Variants in ZNF207 observed in about 807,000 individuals in gnomAD.
ZNF207 encodes BUB3-interacting and GLEBS motif-containing protein ZNF207.
In ZNF207, 24 loss-of-function variants were observed where a neutral mutation model predicts 60.2. That is an observed-to-expected ratio of 0.40 (90% CI 0.29 to 0.56). ZNF207 has a LOEUF of 0.56. Ranked by LOEUF, ZNF207 falls within the 20% of genes least tolerant of loss-of-function variation. The pLI, the probability that ZNF207 is intolerant of heterozygous loss-of-function variation, is 0.49. For synonymous variants in ZNF207, 236 were observed against 194.7 expected (o/e 1.21, Z -1.77); for missense variants, 452 against 636.6 (o/e 0.71, Z 3.12).
chr17:32,374,436 C>G lies in ZNF207; in HGVS notation c.*4677C>G, dbSNP rs1905603817. The G allele has an allele frequency of 6.6e-6, 1 of 151,958 alleles. No individual in the cohort carries two copies. Among genetic ancestry groups the G allele is most frequent in the South Asian group, 2.1e-4 (1 of 4,804 alleles). 9.4% of individuals were successfully genotyped at this position (151,958 alleles called of 1,614,324 possible). On this transcript the variant is annotated 3_prime_UTR_variant, in exon 12 of 12. Transcript: ENST00000394670. ...GTTTCACCGTGTTAGCCAGGATGGT[C>G]TCGATCTCCTGACTTTGCGATCCCC...
chr17:32,358,700 G>A, intron 3 of ZNF207, 59 bp downstream of exon 3: 3 of 1,110,758 alleles, frequency 2.7e-6, no homozygotes, highest in Non-Finnish European at 3.5e-6. Flanking sequence ...TTTTTTTTTT[G>A]AGACAGAGGC....
rs1296690979 is a variant in ZNF207, at chr17:32,361,109, A to G, written c.551+142A>G. On this transcript the variant is annotated intron_variant, in intron 5 of 11. Transcript: ENST00000394670. ...TCTATATATCTTGTCTAATAAAGGG[A>G]TCAACCAGTAAATTTAAGGAATATA... 5.8e-6 allele frequency: 5 copies of G among 856,792 alleles called. No individual in the cohort carries two copies. In the African/African-American group the frequency reaches 8.6e-5, roughly 15 times the overall value. The allele number at this position is 856,792 out of a possible 1,614,324, so 53.1% of individuals were successfully genotyped here. A position where few individuals can be genotyped will look rare whatever the true frequency, so the allele number is the denominator to read the frequency against.
intron 9 of ZNF207, among the ~76,000 whole-genome samples, chr17:32,367,107 C>T (rs530134827): frequency 1.1e-4 from 16 of 151,330 alleles, no homozygotes; most frequent in Middle Eastern, 6.8e-3. Flanking sequence ...TTGGCCTAGT[C>T]TACATGTTTT....
chr17:32,364,551 G>T (rs1010872041), intron 7 of ZNF207, among the ~76,000 whole-genome samples: 2 of 151,738 alleles, frequency 1.3e-5, no homozygotes, highest in African/African-American at 4.8e-5. Flanking sequence ...ATAGAGATGG[G>T]GTTTCACCAT....
chr17:32,369,743 A>G lies in ZNF207; in HGVS notation c.1469A>G (p.Gln490Arg). Reference protein sequence around the residue: ...PMGMRPPVMSQGGRY With the variant: ...PMGMRPPVMSRGGRY ...GGAATGAGACCTCCTGTAATGTCGC[A>G]AGGTGGCCGTTACTGATCTTACTTC... The change falls in exon 12 of 12, where the codon CAA becomes CGA. Residue 490 changes from glutamine (Q) to arginine (R), a missense_variant. By Grantham distance (43) the Gln-to-Arg change is conservative. Transcript: ENST00000394670. The G allele has an allele frequency of 6.5e-7, 1 of 1,546,220 alleles. No homozygotes were observed. Among genetic ancestry groups the G allele is most frequent in the Non-Finnish European group, 8.7e-7 (1 of 1,148,986 alleles).
chr17:32,358,142 C>G (rs1390866842), intron 2 of ZNF207, among the ~76,000 whole-genome samples: 3 of 152,078 alleles, frequency 2.0e-5, no homozygotes, highest in Non-Finnish European at 4.4e-5. Flanking sequence ...TTGAAACATC[C>G]CTGATTTGGA....
Position 32,351,747 on chromosome 17 carries a change from A to G in ZNF207, c.42-39A>G, listed in dbSNP as rs1398462441. Reference sequence around the variant, plus strand: ...ATATGTTTTTATTATAGGCAGTGTCATCATTAGGCTGTCTTTGTGCCTTAA... The same window carrying G: ...ATATGTTTTTATTATAGGCAGTGTCGTCATTAGGCTGTCTTTGTGCCTTAA... On this transcript the variant is annotated intron_variant, in intron 1 of 11. Coordinates refer to ENST00000394670, the MANE Select transcript of ZNF207 (RefSeq NM_001098507.2). The G allele has an allele frequency of 3.1e-6, 5 of 1,608,602 alleles. No homozygotes were observed. In the Admixed American group the frequency reaches 5.1e-5, roughly 16 times the overall value.
intron 3 of ZNF207, among the ~76,000 whole-genome samples, chr17:32,360,181 C>T (rs1904778185): frequency 1.8e-5 from 2 of 109,804 alleles, no homozygotes; most frequent in South Asian, 2.9e-4. Context: ...CCTTTACCCC[C>T]CCCCCAAAAA....
At position 32,358,631 on chromosome 17, in the gene ZNF207, G is replaced by T. The variant is rs2150792499; in HGVS notation, c.297G>T (p.Gln99His). 6.7e-7 allele frequency: 1 copy of T among 1,498,630 alleles called. No individual in the cohort carries two copies. Among genetic ancestry groups the T allele is most frequent in the Non-Finnish European group, 8.8e-7 (1 of 1,133,342 alleles). 92.8% of individuals were successfully genotyped at this position (1,498,630 alleles called of 1,614,324 possible). ...DMDERRRLLE[Q>H]KTQESQKKKQ... Reference sequence around the variant, plus strand: ...ATGAAAGACGACGACTTCTTGAACAGAAAACACAAGGTAAATATTGGGATA... The same window carrying T: ...ATGAAAGACGACGACTTCTTGAACATAAAACACAAGGTAAATATTGGGATA... Residue 99 changes from glutamine (Q) to histidine (H), a missense_variant, in exon 3 of 12, where the codon CAG becomes CAT. Gln to His is a conservative substitution (Grantham distance 24). Transcript: ENST00000394670.
chr17:32,362,118 T>C (rs1162245870), intron 6 of ZNF207, among the ~76,000 whole-genome samples: 3 of 136,912 alleles, frequency 2.2e-5, no homozygotes, highest in Non-Finnish European at 3.1e-5. Flanking sequence ...ATTTCCTTTC[T>C]CTAAAAAAAA....
intron 1 of ZNF207, 44 bp from the exon 2 acceptor site, chr17:32,351,742 G>C (rs778621934): frequency 6.2e-7 from 1 of 1,609,494 alleles, no homozygotes; most frequent in South Asian, 1.1e-5. Context: ...ATTATAGGCA[G>C]TGTCATCATT....
chr17:32,376,133 A>G lies in ZNF207; in HGVS notation c.*6374A>G, dbSNP rs948609241. 7 of 152,192 alleles carry G rather than the reference A, an allele frequency of 4.6e-5. No homozygotes were observed. Among genetic ancestry groups the G allele is most frequent in the Admixed American group, 2.6e-4 (4 of 15,294 alleles). 9.4% of individuals were successfully genotyped at this position (152,192 alleles called of 1,614,324 possible). A position where few individuals can be genotyped will look rare whatever the true frequency, so the allele number is the denominator to read the frequency against. On this transcript the variant is annotated 3_prime_UTR_variant, in exon 12 of 12. Coordinates refer to ENST00000394670, the MANE Select transcript of ZNF207 (RefSeq NM_001098507.2). ...TGATTAGTGCTGAGTTTTCTAAACT[A>G]CTATCTTAAGCTCTTAGGCACCCTA...
intron 8 of ZNF207, 112 bp downstream of exon 8, chr17:32,365,599 AATATTATTT>A: frequency 1.0e-6 from 1 of 966,620 alleles, no homozygotes; most frequent in South Asian, 2.7e-5. Context: ...TAATATTTTT[AATATTATTT>A]ATTAAATATA....
intron 1 of ZNF207, among the ~76,000 whole-genome samples, chr17:32,350,591 T>C (rs1396211414): frequency 1.3e-5 from 2 of 152,178 alleles, no homozygotes; most frequent in African/African-American, 2.4e-5. Context: ...GGAGGCGGCC[T>C]GGACCCCTCC....
At chr17:32,357,113 C>A (rs923381101) in intron 2 of ZNF207, among the ~76,000 whole-genome samples, 3 of 150,336 alleles carry the variant, frequency 2.0e-5, no homozygotes, top group African/African-American at 7.4e-5. Context: ...GCTTGGGAGG[C>A]GGAGGTTGCA....
intron 2 of ZNF207, among the ~76,000 whole-genome samples, chr17:32,358,000 C>CA (rs925386541): frequency 1.3e-5 from 2 of 152,040 alleles, no homozygotes; most frequent in Non-Finnish European, 2.9e-5. Flanking sequence ...AGGCTGGTCT[C>CA]AAACTCCTGA....
rs918027332 is a variant in ZNF207, at chr17:32,379,833, A to G, written c.*10074A>G. On this transcript the variant is annotated 3_prime_UTR_variant, in exon 12 of 12. Transcript: ENST00000394670. Reference sequence around the variant, plus strand: ...AAAATTAGCTTCTGAGTAAATTTCTAATTTATGCCCTGCTTTATTTAGCCT... The same window carrying G: ...AAAATTAGCTTCTGAGTAAATTTCTGATTTATGCCCTGCTTTATTTAGCCT... 1.3e-5 allele frequency: 2 copies of G among 152,196 alleles called. No homozygotes were observed. The highest frequency in any genetic ancestry group is 6.5e-5 in the Admixed American group (1 of 15,280). The allele number at this position is 152,196 out of a possible 1,614,324, so 9.4% of individuals were successfully genotyped here.
Position 32,372,351 on chromosome 17 carries a change from C to CTAAT in ZNF207, c.*2593_*2594insAATT, listed in dbSNP as rs1905510700. The CTAAT allele has an allele frequency of 6.6e-6, 1 of 152,036 alleles. No homozygotes were observed. The highest frequency in any genetic ancestry group is 1.5e-5 in the Non-Finnish European group (1 of 68,010). The allele number at this position is 152,036 out of a possible 1,614,324, so 9.4% of individuals were successfully genotyped here. A position where few individuals can be genotyped will look rare whatever the true frequency, so the allele number is the denominator to read the frequency against. On this transcript the variant is annotated 3_prime_UTR_variant, in exon 12 of 12. Coordinates refer to ENST00000394670, the MANE Select transcript of ZNF207 (RefSeq NM_001098507.2). ...TTAGAATAATTAAGTAAGGGGTGCT[C>CTAAT]TCCCAAATTCTCAGGAATTTCATGT...
chr17:32,369,915 G>A lies in ZNF207; in HGVS notation c.*156G>A. The A allele has an allele frequency of 1.2e-6, 1 of 865,594 alleles. No individual in the cohort carries two copies. Among genetic ancestry groups the A allele is most frequent in the Non-Finnish European group, 1.5e-6 (1 of 648,222 alleles). 53.6% of individuals were successfully genotyped at this position (865,594 alleles called of 1,614,324 possible). On this transcript the variant is annotated 3_prime_UTR_variant, in exon 12 of 12. Coordinates refer to ENST00000394670, the MANE Select transcript of ZNF207 (RefSeq NM_001098507.2). ...ACTATTGGACATTTATTTTACATGG[G>A]AAAAATTATTTGGAATAATAAAGCA...
Sources: allele counts gnomAD v4.1 joint callset (sites outside exome capture counted in the v4.1 genomes callset), GRCh38; gene constraint gnomAD v4.1.1; transcripts MANE v1.5; gene names NCBI Gene and HGNC (gene_info 2026-07-23, HGNC 2026-07-21).